Variants in ASH1L observed in about 807,000 individuals in gnomAD.
ASH1L encodes ASH1 like histone lysine methyltransferase, also known as histone-lysine N-methyltransferase ASH1L.
In ASH1L, 23 loss-of-function variants were observed where a neutral mutation model predicts 269.0. The ratio of observed to expected loss-of-function variants is 0.09; its 90% CI spans 0.06 to 0.12. ASH1L has a LOEUF of 0.12. Ranked by LOEUF, ASH1L falls within the 10% of genes least tolerant of loss-of-function variation. The probability of loss-of-function intolerance (pLI) is 1.00; values close to 1 mark genes in which losing one functional copy is unlikely to be tolerated. For missense variants in ASH1L, 2,912 were observed against 3,567.8 expected, an observed-to-expected ratio of 0.82 and a Z score of 4.68; for synonymous variants, 1,187 against 1,253.5, an observed-to-expected ratio of 0.95 and a Z score of 1.12.
At chr1:155,552,084 A>C (rs1000521439) in intron 1 of ASH1L, among the ~76,000 whole-genome samples, 5 of 152,252 alleles carry the variant, frequency 3.3e-5, no homozygotes, top group African/African-American at 4.8e-5. Context: ...CAAATTATTA[A>C]GTCCTAAGAC....
chr1:155,412,777 C>A (rs937570758), intron 6 of ASH1L, among the ~76,000 whole-genome samples: 2 of 152,100 alleles, frequency 1.3e-5, no homozygotes, highest in African/African-American at 4.8e-5. Context: ...CCTATAGGAT[C>A]TGACCCTATA....
chr1:155,534,256 T>C (rs938235555), intron 1 of ASH1L, among the ~76,000 whole-genome samples: 2 of 150,064 alleles, frequency 1.3e-5, no homozygotes, highest in Non-Finnish European at 3.0e-5. Context: ...GATACAAGCC[T>C]ACATTTTGAG....
intron 15 of ASH1L, among the ~76,000 whole-genome samples, 168 bp from the exon 16 acceptor site, chr1:155,354,798 T>C (rs760828634): frequency 2.8e-4 from 42 of 152,192 alleles, no homozygotes; most frequent in Non-Finnish European, 4.9e-4. Context: ...TTTTTTTACA[T>C]TACATAAAAC....
intron 5 of ASH1L, among the ~76,000 whole-genome samples, chr1:155,436,958 T>C (rs377312345): frequency 2.0e-5 from 3 of 152,270 alleles, no homozygotes; most frequent in East Asian, 3.9e-4. Context: ...TGCTGAATGG[T>C]TTTGGCACCT....
chr1:155,550,798 C>T (rs1395414932), intron 1 of ASH1L, among the ~76,000 whole-genome samples: 1 of 152,148 alleles, frequency 6.6e-6, no homozygotes, highest in African/African-American at 2.4e-5. Context: ...GTTTTATTCA[C>T]TGTTGTATAC....
rs1660546226 is a variant in ASH1L, at chr1:155,420,118, G to T, written c.5829-4195C>A. Among the ~76,000 whole-genome samples, 4 of 152,152 alleles carry T rather than the reference G, an allele frequency of 2.6e-5. No individual in the cohort carries two copies. In the South Asian group the frequency reaches 8.3e-4, roughly 32 times the overall value. On this transcript the variant is annotated intron_variant, in intron 5 of 27. Transcript: ENST00000392403. Reference sequence around the variant, plus strand: ...GGACCACCTAAGGTCAGGAGTTTGAGACCAGCCTGGTGAACATGGTGAAAC... The same window carrying T: ...GGACCACCTAAGGTCAGGAGTTTGATACCAGCCTGGTGAACATGGTGAAAC...
chr1:155,444,833 G>A (rs1417687857), intron 4 of ASH1L, among the ~76,000 whole-genome samples: 1 of 142,616 alleles, frequency 7.0e-6, no homozygotes, highest in Non-Finnish European at 1.5e-5. Flanking sequence ...TAGCCGGGAT[G>A]GTCTCGATCT....
At chr1:155,536,203 T>C (rs1670046300) in intron 1 of ASH1L, among the ~76,000 whole-genome samples, 1 of 152,090 alleles carries the variant, frequency 6.6e-6, no homozygotes, top group Admixed American at 6.6e-5. Context: ...AGTATTTTTG[T>C]TGTGTTTCAG....
chr1:155,521,401 T>C lies in ASH1L; in HGVS notation c.119A>G (p.Glu40Gly), dbSNP rs778787049. Residue 40 changes from glutamate (E) to glycine (G), a missense_variant, in exon 2 of 28, where the codon GAA becomes GGA. By Grantham distance (98) the Glu-to-Gly change is moderately conservative. Coordinates refer to ENST00000392403, the MANE Select transcript of ASH1L (RefSeq NM_018489.3). ...TLVSKREVEL[E>G]KNTKEEEDLR... Reference sequence around the variant, plus strand: ...GTCCTCTTCCTCCTTTGTGTTTTTTTCTAGCTCTACTTCTCTCTTACTGAC... The same window carrying C: ...GTCCTCTTCCTCCTTTGTGTTTTTTCCTAGCTCTACTTCTCTCTTACTGAC... The C allele has an allele frequency of 2.5e-6, 4 of 1,614,084 alleles. No individual in the cohort carries two copies. The highest frequency in any genetic ancestry group is 3.4e-6 in the Non-Finnish European group (4 of 1,180,042).
chr1:155,378,941 T>C (rs1018397903), intron 8 of ASH1L, among the ~76,000 whole-genome samples: 3 of 152,124 alleles, frequency 2.0e-5, no homozygotes, highest in African/African-American at 7.2e-5. Flanking sequence ...TCTGGGTGGG[T>C]ACATGAAATT....
chr1:155,431,598 A>C (rs1399146395), intron 5 of ASH1L, among the ~76,000 whole-genome samples: 2 of 152,016 alleles, frequency 1.3e-5, no homozygotes, highest in East Asian at 3.9e-4. Flanking sequence ...CCATCTCTAC[A>C]AAAAACACAA....
chr1:155,379,808 C>G (rs552691573), intron 8 of ASH1L, among the ~76,000 whole-genome samples: 6 of 152,144 alleles, frequency 3.9e-5, no homozygotes, highest in Non-Finnish European at 8.8e-5. Context: ...AGAATAACAA[C>G]AGAAGGTTGC....
At chr1:155,367,539 T>C (rs1464152236) in intron 12 of ASH1L, among the ~76,000 whole-genome samples, 3 of 152,190 alleles carry the variant, frequency 2.0e-5, no homozygotes, top group Non-Finnish European at 2.9e-5. Flanking sequence ...CAAATGTAGA[T>C]ATGACAGTGG....
intron 1 of ASH1L, among the ~76,000 whole-genome samples, chr1:155,552,338 T>C (rs903847388): frequency 6.6e-6 from 1 of 152,130 alleles, no homozygotes. Context: ...TGGTGGCGCA[T>C]GCCTGTAATT....
In ASH1L at chr1:155,337,845, T is replaced by C. The variant is rs187360726; in HGVS notation, c.8804-94A>G. 7.9e-5 allele frequency: 101 copies of C among 1,283,624 alleles called. No individual in the cohort carries two copies. The African/African-American group carries it at 1.2e-3, about 16-fold the overall frequency. 79.5% of individuals were successfully genotyped at this position (1,283,624 alleles called of 1,614,324 possible). ...AAGGAGAGCACACGAACTCAATGAT[T>C]CCTTTTCTGACCTATAAGCAATTTA... On this transcript the variant is annotated intron_variant, in intron 27 of 27. Coordinates refer to ENST00000392403, the MANE Select transcript of ASH1L (RefSeq NM_018489.3).
intron 4 of ASH1L, among the ~76,000 whole-genome samples, chr1:155,456,736 T>C (rs1318860031): frequency 3.3e-5 from 5 of 152,330 alleles, no homozygotes; most frequent in African/African-American, 4.8e-5. Context: ...ACAGTCCAAA[T>C]TTAATATATC....
intron 12 of ASH1L, among the ~76,000 whole-genome samples, chr1:155,361,600 G>A (rs1273689853): frequency 1.3e-5 from 2 of 151,302 alleles, no homozygotes; most frequent in Middle Eastern, 3.2e-3. Context: ...TCGGGAGGCT[G>A]AGGCAGGAGA....
In ASH1L at chr1:155,551,690, C is replaced by T. The variant is rs576319551; in HGVS notation, c.-100+10463G>A. Among the ~76,000 whole-genome samples, 21 of 145,538 alleles carry T rather than the reference C, an allele frequency of 1.4e-4. No homozygotes were observed. In the East Asian group the frequency reaches 3.9e-3, roughly 27 times the overall value. On this transcript the variant is annotated intron_variant, in intron 1 of 27. Transcript: ENST00000392403. Reference sequence around the variant, plus strand: ...AAAAAAAAAAAAAGAATCTTGCAGGCCAGGAGTGTTGGCTCACACCTGTAA... The same window carrying T: ...AAAAAAAAAAAAAGAATCTTGCAGGTCAGGAGTGTTGGCTCACACCTGTAA...
chr1:155,471,727 T>C (rs934035031), intron 3 of ASH1L, among the ~76,000 whole-genome samples: 2 of 152,252 alleles, frequency 1.3e-5, no homozygotes, highest in African/African-American at 4.8e-5. Context: ...TGAGTCCTTT[T>C]AACAAGTTAC....
Sources: allele counts gnomAD v4.1 joint callset (sites outside exome capture counted in the v4.1 genomes callset), GRCh38; gene constraint gnomAD v4.1.1; transcripts MANE v1.5; gene names NCBI Gene and HGNC (gene_info 2026-07-23, HGNC 2026-07-21).